The following SF3B3 variants were observed in gnomAD, a reference collection of about 807,000 sequenced individuals.
SF3B3 encodes the protein splicing factor 3b subunit 3, also known as SAP 130.
A neutral mutation model predicts 139.2 loss-of-function variants in SF3B3; 33 were observed. The observed-to-expected ratio is 0.24, with a 90% CI of 0.18 to 0.32. The LOEUF is 0.32. Among genes scored for constraint, SF3B3 ranks in the 10% least tolerant of loss-of-function variants. The pLI, the probability that SF3B3 is intolerant of heterozygous loss-of-function variation, is 1.00. For synonymous variants in SF3B3, 596 were observed against 563.6 expected (o/e 1.06, Z -0.81); for missense variants, 818 against 1,509.4 (o/e 0.54, Z 7.59).
rs944689830 is a variant in SF3B3, at chr16:70,573,430, G to A, written c.*1617G>A. The stretch of plus-strand genomic sequence containing the variant: ...AAAATACATACACTCCGTACAGAAG[G>A]TAGGGGGTTATGTAAGAAAGGAAAA... On this transcript the variant is annotated 3_prime_UTR_variant, in exon 26 of 26. Coordinates refer to ENST00000302516, the MANE Select transcript of SF3B3 (RefSeq NM_012426.5). 1 of 152,176 alleles carries A rather than the reference G, an allele frequency of 6.6e-6. No homozygotes were observed. The highest frequency in any genetic ancestry group is 2.4e-5 in the African/African-American group (1 of 41,448). The allele number at this position is 152,176 out of a possible 1,614,324, so 9.4% of individuals were successfully genotyped here. A position where few individuals can be genotyped will look rare whatever the true frequency, so the allele number is the denominator to read the frequency against.
At chr16:70,545,776 A>C (rs2050262492) in intron 10 of SF3B3, among the ~76,000 whole-genome samples, 1 of 152,236 alleles carries the variant, frequency 6.6e-6, no homozygotes, top group African/African-American at 2.4e-5. Context: ...CCTGCCATAA[A>C]GAATTATGTG....
Position 70,541,781 on chromosome 16 carries a change from A to T in SF3B3, c.1180A>T (p.Asn394Tyr). 1 of 1,614,064 alleles carries T rather than the reference A, an allele frequency of 6.2e-7. No homozygotes were observed. The change falls in exon 9 of 26, where the codon AAC becomes TAC. Residue 394 changes from asparagine to tyrosine, a missense_variant. Asn to Tyr is a moderately radical substitution (Grantham distance 143). Coordinates refer to ENST00000302516, the MANE Select transcript of SF3B3 (RefSeq NM_012426.5). ...TFFFQPRPLK[N>Y]LVLVDELDSL... Reference sequence around the variant, plus strand: ...CTTTTTTCAGCCAAGACCACTTAAAAACCTTGTGCTGGTTGATGAGTTGGA... The same window carrying T: ...CTTTTTTCAGCCAAGACCACTTAAATACCTTGTGCTGGTTGATGAGTTGGA...
At chr16:70,531,137 C>T (rs1352115594) in intron 4 of SF3B3, among the ~76,000 whole-genome samples, 4 of 151,918 alleles carry the variant, frequency 2.6e-5, no homozygotes, top group African/African-American at 4.8e-5. Flanking sequence ...GGCATCGTGG[C>T]GGGCGCCTGT....
chr16:70,546,810 G>A (rs932496643), intron 10 of SF3B3, among the ~76,000 whole-genome samples: 4 of 151,950 alleles, frequency 2.6e-5, no homozygotes, highest in South Asian at 2.1e-4. Context: ...GGCAGATCAC[G>A]AGGTCAGGAG....
rs532591213 is a variant in SF3B3 at position 70,548,331 on chromosome 16, A to G, written c.1330-39A>G. On this transcript the variant is annotated intron_variant, in intron 10 of 25. Transcript: ENST00000302516. ...GATTGTAAGCAGGTAGCTGAGTTGC[A>G]TGCTCACTGGATCTGTGGCTTCCCT... The G allele has an allele frequency of 5.3e-5, 83 of 1,553,996 alleles. No homozygotes were observed. In the South Asian group the frequency reaches 8.5e-4, roughly 16 times the overall value.
chr16:70,571,044 A>C, intron 24 of SF3B3, 51 bp from the exon 25 acceptor site: 3 of 1,228,380 alleles, frequency 2.4e-6, no homozygotes, highest in Non-Finnish European at 3.6e-6. Flanking sequence ...TGGAAACTCT[A>C]GACTAGTTGA....
At chr16:70,570,320 G>A (rs1273533556) in intron 24 of SF3B3, among the ~76,000 whole-genome samples, 171 bp downstream of exon 24, 1 of 150,510 alleles carries the variant, frequency 6.6e-6, no homozygotes, top group Non-Finnish European at 1.5e-5. Flanking sequence ...CCGCACCCAG[G>A]GAAGGCCATT....
intron 15 of SF3B3, among the ~76,000 whole-genome samples, chr16:70,559,718 A>G (rs1219624600): frequency 2.0e-5 from 3 of 152,074 alleles, no homozygotes; most frequent in Non-Finnish European, 4.4e-5. Context: ...TTAAAAAAAT[A>G]GAGTAACATC....
intron 17 of SF3B3, among the ~76,000 whole-genome samples, chr16:70,562,446 A>G (rs909373345): frequency 7.9e-5 from 12 of 152,200 alleles, no homozygotes; most frequent in African/African-American, 2.7e-4. Flanking sequence ...TTTCTTTGCA[A>G]CAACTTTCAG....
At position 70,576,812 on chromosome 16, in the gene SF3B3, C is replaced by A. The variant is rs2151798422; in HGVS notation, c.*4999C>A. On this transcript the variant is annotated 3_prime_UTR_variant, in exon 26 of 26. Coordinates refer to ENST00000302516, the MANE Select transcript of SF3B3 (RefSeq NM_012426.5). The stretch of plus-strand genomic sequence containing the variant: ...AGCCTCTAAGCATAGTCTTGGTTTC[C>A]TGCCTGTAAATTGGTAGAATAAGAC... The A allele has an allele frequency of 6.6e-6, 1 of 152,330 alleles. No individual in the cohort carries two copies. The highest frequency in any genetic ancestry group is 2.1e-4 in the South Asian group (1 of 4,824). The allele number at this position is 152,330 out of a possible 1,614,324, so 9.4% of individuals were successfully genotyped here.
chr16:70,540,819 G>A (rs955668551), intron 8 of SF3B3, among the ~76,000 whole-genome samples: 2 of 151,988 alleles, frequency 1.3e-5, no homozygotes, highest in Admixed American at 1.3e-4. Flanking sequence ...CTCATTGTAT[G>A]TACATACTGC....
At chr16:70,565,712 G>A in intron 20 of SF3B3, 188 bp downstream of exon 20, 1 of 589,384 alleles carries the variant, frequency 1.7e-6, no homozygotes, top group South Asian at 2.2e-5. Flanking sequence ...CCACAGGAAG[G>A]CTTTGTGCTA....
chr16:70,532,400 G>A (rs2151776800), intron 4 of SF3B3, 79 bp from the exon 5 acceptor site: 3 of 1,042,016 alleles, frequency 2.9e-6, no homozygotes, highest in South Asian at 3.2e-5. Flanking sequence ...TTCCTCATTT[G>A]TAAATTGGAG....
chr16:70,549,294 G>A (rs2050298749), intron 11 of SF3B3, among the ~76,000 whole-genome samples: 1 of 152,136 alleles, frequency 6.6e-6, no homozygotes, highest in Non-Finnish European at 1.5e-5. Context: ...ACATGTAGGA[G>A]GAAAACAACT....
At chr16:70,568,053 C>T (rs1476656268) in intron 21 of SF3B3, among the ~76,000 whole-genome samples, 4 of 152,152 alleles carry the variant, frequency 2.6e-5, no homozygotes, top group Admixed American at 1.3e-4. Context: ...AACCAGCTTT[C>T]TATCTTGCTA....
intron 6 of SF3B3, among the ~76,000 whole-genome samples, chr16:70,536,266 C>G (rs1567411699): frequency 6.6e-6 from 1 of 151,902 alleles, no homozygotes; most frequent in Non-Finnish European, 1.5e-5. Context: ...CCCCCGGGTT[C>G]AAGTGATTTT....
chr16:70,574,159 A>C lies in SF3B3; in HGVS notation c.*2346A>C, dbSNP rs1304802143. 6.6e-6 allele frequency: 1 copy of C among 152,080 alleles called. No individual in the cohort carries two copies. The highest frequency in any genetic ancestry group is 1.5e-5 in the Non-Finnish European group (1 of 68,018). 9.4% of individuals were successfully genotyped at this position (152,080 alleles called of 1,614,324 possible). On this transcript the variant is annotated 3_prime_UTR_variant, in exon 26 of 26. Transcript: ENST00000302516. ...TCAGTCTGGCTTTCAAATTTTTTTT[A>C]ATTCCTAAGTTCTGTTTTATTTTTT...
intron 15 of SF3B3, among the ~76,000 whole-genome samples, chr16:70,559,806 T>C (rs527419368): frequency 6.6e-6 from 1 of 152,228 alleles, no homozygotes; most frequent in African/African-American, 2.4e-5. Context: ...TCTCGCTATG[T>C]TGGCCAGGTT....
At chr16:70,533,512 A>G (rs2050140264) in intron 5 of SF3B3, among the ~76,000 whole-genome samples, 1 of 152,232 alleles carries the variant, frequency 6.6e-6, no homozygotes, top group African/African-American at 2.4e-5. Context: ...ATTCCAGCAA[A>G]TCAGATTCAG....
Sources: allele counts gnomAD v4.1 joint callset (sites outside exome capture counted in the v4.1 genomes callset), GRCh38; gene constraint gnomAD v4.1.1; transcripts MANE v1.5; gene names NCBI Gene and HGNC (gene_info 2026-07-23, HGNC 2026-07-21).